Variants in CLEC12A observed in about 807,000 individuals in gnomAD.
The protein encoded by CLEC12A is C-type lectin domain family 12 member A.
In CLEC12A, 22 loss-of-function variants were observed where a neutral mutation model predicts 26.5. That is an observed-to-expected ratio of 0.83 (90% CI 0.59 to 1.19). The LOEUF is 1.19. Ranked by LOEUF, CLEC12A falls within the 50% of genes most tolerant of loss-of-function variation. The pLI, the probability that CLEC12A is intolerant of heterozygous loss-of-function variation, is 0.00. For missense variants in CLEC12A, 353 were observed against 315.6 expected, an observed-to-expected ratio of 1.12 and a Z score of -0.90; for synonymous variants, 119 against 101.9, an observed-to-expected ratio of 1.17 and a Z score of -1.01.
chr12:9,996,184 G>A (rs892582311), downstream of CLEC12A, among the ~76,000 whole-genome samples: 1 of 152,030 alleles, frequency 6.6e-6, no homozygotes. Context: ...TAAAGCTTGA[G>A]CCACCGGGAA....
At chr12:9,980,044 G>A (rs1379324975) in intron 3 of CLEC12A, among the ~76,000 whole-genome samples, 3 of 152,228 alleles carry the variant, frequency 2.0e-5, no homozygotes, top group South Asian at 2.1e-4. Flanking sequence ...ACATTTCAGA[G>A]AACAAAAATT....
At chr12:9,984,719 C>T in intron 5 of CLEC12A, 151 bp from the exon 6 acceptor site, 1 of 647,366 alleles carries the variant, frequency 1.5e-6, no homozygotes, top group African/African-American at 1.9e-5. Flanking sequence ...TTAACTCGGA[C>T]ATTCTTGATA....
intron 4 of CLEC12A, chr12:9,992,959 C>A: frequency 7.6e-6 from 4 of 525,456 alleles, no homozygotes; most frequent in Non-Finnish European, 1.3e-5. Context: ...ATGATAAACT[C>A]ACGTGATGGC....
chr12:9,956,504 A>G (rs997730946), intron 1 of CLEC12A, among the ~76,000 whole-genome samples: 3 of 152,166 alleles, frequency 2.0e-5, no homozygotes, highest in African/African-American at 7.2e-5. Context: ...TTGTTTTGGG[A>G]CCTCAAGAAA....
chr12:9,992,654 G>A (rs1035647948), intron 4 of CLEC12A: 2 of 152,420 alleles, frequency 1.3e-5, no homozygotes, highest in African/African-American at 2.4e-5. Flanking sequence ...AAGAGGTTAT[G>A]AAACTTGTTC....
chr12:9,978,242 C>A (rs573257465), intron 1 of CLEC12A, among the ~76,000 whole-genome samples: 14 of 151,002 alleles, frequency 9.3e-5, no homozygotes, highest in Admixed American at 4.0e-4. Flanking sequence ...ATAACATAGT[C>A]ACAATAATAA....
chr12:9,952,864 GAGA>G (rs1349578106), intron 1 of CLEC12A: 1 of 107,790 alleles, frequency 9.3e-6, no homozygotes, highest in Admixed American at 9.0e-5. Flanking sequence ...CTGCCCGGCC[GAGA>G]CCCCGTCTGG....
the CLEC12A span, among the ~76,000 whole-genome samples, chr12:10,003,880 C>T: frequency 1.3e-5 from 2 of 152,144 alleles, no homozygotes; most frequent in South Asian, 4.1e-4. Context: ...TGTGCCATTG[C>T]AGTCCAGCCT....
chr12:9,966,177 G>C (rs1285816314), intron 1 of CLEC12A, among the ~76,000 whole-genome samples: 1 of 152,182 alleles, frequency 6.6e-6, no homozygotes. Flanking sequence ...AGTTATGAAG[G>C]CAAGGGAAAC....
At chr12:10,002,552 C>T in the CLEC12A span, among the ~76,000 whole-genome samples, 3 of 108,484 alleles carry the variant, frequency 2.8e-5, no homozygotes, top group African/African-American at 1.0e-4. Flanking sequence ...ACCCCATTCT[C>T]CTGCCACAGC....
chr12:9,966,045 A>T (rs1301194525), intron 1 of CLEC12A, among the ~76,000 whole-genome samples: 1 of 152,156 alleles, frequency 6.6e-6, no homozygotes, highest in East Asian at 1.9e-4. Context: ...GTCTCAGCCT[A>T]ATAAGGGAAC....
downstream of CLEC12A, among the ~76,000 whole-genome samples, chr12:9,989,716 T>C (rs116508647): frequency 6.6e-6 from 1 of 152,320 alleles, no homozygotes; most frequent in African/African-American, 2.4e-5. Context: ...CTAAGATAGC[T>C]GAAGGTGTCT....
At chr12:9,967,211 G>A (rs1214804841), upstream of CLEC12A, among the ~76,000 whole-genome samples, 3 of 151,922 alleles carry the variant, frequency 2.0e-5, no homozygotes, top group Non-Finnish European at 2.9e-5. Flanking sequence ...CTTGGGGTTG[G>A]GACTGAGGGG....
At chr12:10,004,336 C>T in the CLEC12A span, among the ~76,000 whole-genome samples, 1 of 152,192 alleles carries the variant, frequency 6.6e-6, no homozygotes, top group Non-Finnish European at 1.5e-5. Flanking sequence ...AGAAACGGGT[C>T]ACACATGAAC....
the CLEC12A span, among the ~76,000 whole-genome samples, chr12:10,000,758 G>C: frequency 2.0e-5 from 3 of 152,104 alleles, no homozygotes; most frequent in African/African-American, 7.2e-5. Context: ...TGGAAGATTG[G>C]GGTTGGAATG....
chr12:9,990,043 A>G (rs1438917660), downstream of CLEC12A, among the ~76,000 whole-genome samples: 1 of 152,194 alleles, frequency 6.6e-6, no homozygotes, highest in Non-Finnish European at 1.5e-5. Flanking sequence ...TCAGAAAAAA[A>G]AAAGGTCTTT....
intron 1 of CLEC12A, among the ~76,000 whole-genome samples, chr12:9,960,374 T>C (rs1297914430): frequency 6.6e-6 from 1 of 152,248 alleles, no homozygotes; most frequent in Non-Finnish European, 1.5e-5. Flanking sequence ...AGGATTGTTC[T>C]CTTGGATTCC....
chr12:9,955,180 G>A lies in CLEC12A; in HGVS notation c.10+3824G>A, dbSNP rs554713893. Among the ~76,000 whole-genome samples, 7 of 152,114 alleles carry A rather than the reference G, an allele frequency of 4.6e-5. No individual in the cohort carries two copies. The South Asian group carries it at 1.5e-3, about 32-fold the overall frequency. On this transcript the variant is annotated intron_variant, in intron 1 of 6. Transcript: ENST00000355690. Reference sequence around the variant, plus strand: ...CGGCTCACTGCAAGCTCTGCCTCCCGGGTTCACGCCATTCTCCTGCCTCAG... The same window carrying A: ...CGGCTCACTGCAAGCTCTGCCTCCCAGGTTCACGCCATTCTCCTGCCTCAG...
downstream of CLEC12A, chr12:9,996,695 T>C (rs956628704): frequency 3.8e-6 from 3 of 783,278 alleles, no homozygotes; most frequent in African/African-American, 5.1e-5. Context: ...AATATCTGGG[T>C]TCTGTAATTC....
Sources: allele counts gnomAD v4.1 joint callset (sites outside exome capture counted in the v4.1 genomes callset), GRCh38; gene constraint gnomAD v4.1.1; transcripts MANE v1.5; gene names NCBI Gene and HGNC (gene_info 2026-07-23, HGNC 2026-07-21).